SGCZ: variants seen among roughly 807,000 people sequenced by gnomAD.
The protein encoded by SGCZ is sarcoglycan zeta.
SGCZ carries 40 observed loss-of-function variants against 41.3 expected under a neutral mutation model. The ratio of observed to expected loss-of-function variants is 0.97; its 90% CI spans 0.75 to 1.26. The LOEUF (loss-of-function observed/expected upper bound fraction) is 1.26, where lower values mean the gene tolerates loss of function less well. Among genes scored for constraint, SGCZ ranks in the 50% most tolerant of loss-of-function variants. SGCZ has a pLI of 0.00. For synonymous variants in SGCZ, 206 were observed against 137.5 expected (o/e 1.50, Z -3.49); for missense variants, 552 against 369.8 (o/e 1.49, Z -4.04).
At chr8:15,132,520 T>A (rs767539741) in intron 1 of SGCZ, among the ~76,000 whole-genome samples, 65 of 152,338 alleles carry the variant, frequency 4.3e-4, no homozygotes, top group South Asian at 8.3e-4. Context: ...GGAAGACATA[T>A]GAAATCAGAT....
At chr8:14,803,289 G>T (rs1801389478) in intron 1 of SGCZ, among the ~76,000 whole-genome samples, 1 of 152,138 alleles carries the variant, frequency 6.6e-6, no homozygotes, top group Non-Finnish European at 1.5e-5. Context: ...CAGAAGACGG[G>T]TGATTTCTGC....
intron 1 of SGCZ, among the ~76,000 whole-genome samples, chr8:14,710,947 T>G (rs2117623746): frequency 6.6e-6 from 1 of 152,296 alleles, no homozygotes; most frequent in African/African-American, 2.4e-5. Context: ...CACAATAACT[T>G]TAGAAGAAAG....
At chr8:14,211,716 A>G (rs1805813571) in intron 4 of SGCZ, among the ~76,000 whole-genome samples, 1 of 152,174 alleles carries the variant, frequency 6.6e-6, no homozygotes, top group Non-Finnish European at 1.5e-5. Context: ...ACATCTCGTG[A>G]GAACTCACTC....
At chr8:14,267,515 T>C (rs1799916058) in intron 3 of SGCZ, among the ~76,000 whole-genome samples, 1 of 152,108 alleles carries the variant, frequency 6.6e-6, no homozygotes, top group African/African-American at 2.4e-5. Flanking sequence ...TTTTATTGTT[T>C]ATTGTTTAGT....
At chr8:14,557,701 T>A (rs554018653) in intron 1 of SGCZ, among the ~76,000 whole-genome samples, 36 of 152,130 alleles carry the variant, frequency 2.4e-4, no homozygotes, top group African/African-American at 8.7e-4. Context: ...CTACTTCGTG[T>A]TTTTGTTTGC....
At chr8:14,221,390 G>C (rs1349736988) in intron 4 of SGCZ, among the ~76,000 whole-genome samples, 1 of 152,160 alleles carries the variant, frequency 6.6e-6, no homozygotes, top group East Asian at 1.9e-4. Flanking sequence ...TTTCAGGAGA[G>C]GCAATTGTTG....
At chr8:15,088,865 A>C (rs1806047753) in intron 1 of SGCZ, among the ~76,000 whole-genome samples, 1 of 152,258 alleles carries the variant, frequency 6.6e-6, no homozygotes. Context: ...GCAAACAAAT[A>C]ATGGTTTGTT....
chr8:14,316,934 A>C (rs1801738790), intron 3 of SGCZ, among the ~76,000 whole-genome samples: 1 of 151,750 alleles, frequency 6.6e-6, no homozygotes, highest in South Asian at 2.1e-4. Context: ...ATAGTTCCAC[A>C]ACTGTGCTCC....
At chr8:14,102,578 A>C (rs928764275) in intron 6 of SGCZ, 79 bp from the exon 7 acceptor site, 5 of 1,208,948 alleles carry the variant, frequency 4.1e-6, no homozygotes, top group Non-Finnish European at 5.2e-6. Flanking sequence ...AATTTTTGAT[A>C]AACTAGAAGA....
chr8:14,424,935 T>C lies in SGCZ; in HGVS notation c.235-100731A>G, dbSNP rs976431722. ...AGTTTAGCCTCTCATACTAAGTAAA[T>C]ACAATATGTTTCCAAAATATTTATC... On this transcript the variant is annotated intron_variant, in intron 2 of 7. Coordinates refer to ENST00000382080, the MANE Select transcript of SGCZ (RefSeq NM_139167.4). Among the ~76,000 whole-genome samples, 5 of 152,310 alleles carry C rather than the reference T, an allele frequency of 3.3e-5. No individual in the cohort carries two copies. In the East Asian group the frequency reaches 5.8e-4, roughly 18 times the overall value.
intron 1 of SGCZ, among the ~76,000 whole-genome samples, chr8:15,088,823 G>C (rs1401769325): frequency 6.6e-6 from 1 of 152,024 alleles, no homozygotes; most frequent in Non-Finnish European, 1.5e-5. Flanking sequence ...CAGATAAATA[G>C]GCCCAACTCA....
At chr8:14,481,470 G>C (rs1801533123) in intron 2 of SGCZ, among the ~76,000 whole-genome samples, 1 of 152,110 alleles carries the variant, frequency 6.6e-6, no homozygotes, top group Non-Finnish European at 1.5e-5. Flanking sequence ...GACAGTAATA[G>C]TAAAAAATAA....
In SGCZ at chr8:14,540,220, ATTTTTTTTTTTTT is replaced by A. The variant is rs11428713; in HGVS notation, c.234+14499_234+14511del. On this transcript the variant is annotated intron_variant, in intron 2 of 7. Transcript: ENST00000382080. Reference sequence around the variant, plus strand: ...AAATAATGGCTATTTTCTCTGCTTAATTTTTTTTTTTTTTTTTTTTTTTTTTTTACAAATTTCT... The same window carrying A: ...AAATAATGGCTATTTTCTCTGCTTAATTTTTTTTTTTTTTTACAAATTTCT... Among the ~76,000 whole-genome samples the A allele has an allele frequency of 5.5e-4, 27 of 48,722 alleles. 1 individual carries two copies. The highest frequency in any genetic ancestry group is 2.1e-3 in the African/African-American group (26 of 12,380). The allele number at this position is 48,722 out of a possible 152,430, so 32.0% of individuals were successfully genotyped here.
intron 2 of SGCZ, among the ~76,000 whole-genome samples, chr8:14,357,527 A>G (rs1429866417): frequency 6.6e-6 from 1 of 152,172 alleles, no homozygotes; most frequent in Non-Finnish European, 1.5e-5. Flanking sequence ...TTTGAATTGA[A>G]TGAAGTAGAT....
In SGCZ at chr8:15,072,580, G is replaced by T. The variant is rs553876058; in HGVS notation, c.39+165005C>A. ...GTTGTTGCTTTTCTAGCTAAGCTGT[G>T]TAGAAATTGGATATAGAACATTAAA... On this transcript the variant is annotated intron_variant, in intron 1 of 7. Transcript: ENST00000382080. 1.1e-4 allele frequency among the ~76,000 whole-genome samples: 17 copies of T among 152,252 alleles called. No individual in the cohort carries two copies. In the South Asian group the frequency reaches 3.5e-3, roughly 32 times the overall value.
At chr8:14,702,842 TAG>T (rs1809198715) in intron 1 of SGCZ, among the ~76,000 whole-genome samples, 1 of 123,454 alleles carries the variant, frequency 8.1e-6, no homozygotes. Flanking sequence ...GATAGATAGA[TAG>T]ATAGATAGAT....
chr8:14,469,428 C>T (rs575321001), intron 2 of SGCZ, among the ~76,000 whole-genome samples: 1 of 152,118 alleles, frequency 6.6e-6, no homozygotes, highest in Non-Finnish European at 1.5e-5. Flanking sequence ...GGAATCTCTC[C>T]TTCATAGCAT....
intron 3 of SGCZ, among the ~76,000 whole-genome samples, chr8:14,282,958 T>C (rs898223984): frequency 4.9e-5 from 7 of 142,522 alleles, no homozygotes; most frequent in African/African-American, 1.8e-4. Context: ...CACGCCATTC[T>C]CCTGCCTCAG....
intron 1 of SGCZ, among the ~76,000 whole-genome samples, chr8:15,176,416 G>A (rs1229064631): frequency 2.6e-5 from 4 of 152,044 alleles, no homozygotes; most frequent in Admixed American, 2.6e-4. Flanking sequence ...GCATTTGACG[G>A]CAAATAGTCT....
Sources: allele counts gnomAD v4.1 joint callset (sites outside exome capture counted in the v4.1 genomes callset), GRCh38; gene constraint gnomAD v4.1.1; transcripts MANE v1.5; gene names NCBI Gene and HGNC (gene_info 2026-07-23, HGNC 2026-07-21).